Variants in SYPL2 observed in about 807,000 individuals in gnomAD.
SYPL2 encodes the protein synaptophysin-like protein 2.
Under a neutral mutation model 31.3 loss-of-function variants are expected in SYPL2, and 24 were observed. The ratio of observed to expected loss-of-function variants is 0.77; its 90% confidence interval spans 0.56 to 1.08. The LOEUF is 1.08. Ranked by LOEUF, SYPL2 falls within the 50% of genes least tolerant of loss-of-function variation. The pLI, the probability that SYPL2 is intolerant of heterozygous loss-of-function variation, is 0.00. For synonymous variants in SYPL2, 144 were observed against 143.1 expected, an observed-to-expected ratio of 1.01 and a Z score of -0.05; for missense variants, 342 against 360.1, an observed-to-expected ratio of 0.95 and a Z score of 0.41.
chr1:109,479,747 G>A lies in SYPL2; in HGVS notation c.*199G>A, dbSNP rs942852876. The A allele has an allele frequency of 1.6e-5, 12 of 745,736 alleles. No homozygotes were observed. The highest frequency in any genetic ancestry group is 3.9e-4 in the Middle Eastern group (1 of 2,552). The allele number at this position is 745,736 out of a possible 1,614,324, so 46.2% of individuals were successfully genotyped here. On this transcript the variant is annotated 3_prime_UTR_variant, in exon 6 of 6. Transcript: ENST00000369872. ...GCTTCCTATCCTCCTTCTTGCTGGA[G>A]CCATGAATGGCAGGAGCTCAGTGCT...
At chr1:109,473,928 A>G (rs1268540346) in intron 2 of SYPL2, among the ~76,000 whole-genome samples, 1 of 151,872 alleles carries the variant, frequency 6.6e-6, no homozygotes, top group Non-Finnish European at 1.5e-5. Flanking sequence ...ACAGACTCAG[A>G]GAGCAGAGTG....
intron 2 of SYPL2, among the ~76,000 whole-genome samples, chr1:109,472,605 C>CTTTTTTTTTTTTTTTTTTT (rs59224604): frequency 1.4e-5 from 1 of 71,076 alleles, no homozygotes; most frequent in African/African-American, 6.1e-5. Context: ...TTTTTCTTTA[C>CTTTTTTTTTTTTTTTTTTT]TTTTTTTTTT....
chr1:109,473,011 T>G (rs1357645259), intron 2 of SYPL2, among the ~76,000 whole-genome samples: 4 of 152,152 alleles, frequency 2.6e-5, no homozygotes, highest in Admixed American at 2.6e-4. Flanking sequence ...TCCCAGAATG[T>G]GACACCCTAA....
In SYPL2 at chr1:109,467,121, A is replaced by G. The variant is rs1571056355; in HGVS notation, c.117A>G (p.Lys39=). The G allele has an allele frequency of 6.5e-7, 1 of 1,543,336 alleles. No individual in the cohort carries two copies. Among genetic ancestry groups the G allele is most frequent in the Non-Finnish European group, 8.7e-7 (1 of 1,145,556 alleles). ...RRLEEPLGFI[K]VLQWLFAIFA... is the part of the protein sequence containing the mutation. ...TGGAGGAGCCGCTGGGCTTCATCAAAGTTCTCCAGTGGGTGAGTCGCTGCC... is the reference window on the plus strand; with the variant it reads ...TGGAGGAGCCGCTGGGCTTCATCAAGGTTCTCCAGTGGGTGAGTCGCTGCC... The change falls in exon 2 of 6, where the codon AAA becomes AAG. Residue 39 remains lysine (K), a synonymous_variant. Coordinates refer to ENST00000369872, the MANE Select transcript of SYPL2 (RefSeq NM_001040709.2).
Position 109,477,849 on chromosome 1 carries a change from T to C in SYPL2, c.488T>C (p.Phe163Ser). 1 of 1,612,918 alleles carries C rather than the reference T, an allele frequency of 6.2e-7. No homozygotes were observed. Among genetic ancestry groups the C allele is most frequent in the African/African-American group, 1.3e-5 (1 of 75,066 alleles). ...DFCVTVSFTF[F>S]WLVAAAAWGK... Reference sequence around the variant, plus strand: ...TGTGTGACTGTCTCCTTCACCTTCTTCTGGCTGGTAGCTGCAGCTGCCTGG... The same window carrying C: ...TGTGTGACTGTCTCCTTCACCTTCTCCTGGCTGGTAGCTGCAGCTGCCTGG... Residue 163 changes from phenylalanine to serine, a missense_variant, in exon 5 of 6, where the codon TTC becomes TCC. Transcript: ENST00000369872.
At position 109,466,680 on chromosome 1, in the gene SYPL2, C is replaced by T. The variant is rs1202291020; in HGVS notation, c.-164C>T. ...AGCAGCGCCCCCGCGTCCCAGCCAGCCAGCCAGCCAGACTGGACTCCGGCC... is the reference window on the plus strand; with the variant it reads ...AGCAGCGCCCCCGCGTCCCAGCCAGTCAGCCAGCCAGACTGGACTCCGGCC... On this transcript the variant is annotated 5_prime_UTR_variant, in exon 1 of 6. Coordinates refer to ENST00000369872, the MANE Select transcript of SYPL2 (RefSeq NM_001040709.2). 6 of 647,556 alleles carry T rather than the reference C, an allele frequency of 9.3e-6. No individual in the cohort carries two copies. Among genetic ancestry groups the T allele is most frequent in the Non-Finnish European group, 1.4e-5 (6 of 443,218 alleles). The allele number at this position is 647,556 out of a possible 1,614,324, so 40.1% of individuals were successfully genotyped here.
chr1:109,479,019 C>T (rs140802448), intron 5 of SYPL2, among the ~76,000 whole-genome samples: 26 of 152,358 alleles, frequency 1.7e-4, no homozygotes, highest in Non-Finnish European at 2.4e-4. Flanking sequence ...ACCTACCTGG[C>T]GGAAGGTGCT....
At position 109,476,824 on chromosome 1, in the gene SYPL2, C is replaced by T; in HGVS notation, c.303C>T (p.Ser101=). 1 of 1,614,204 alleles carries T rather than the reference C, an allele frequency of 6.2e-7. No homozygotes were observed. Among genetic ancestry groups the T allele is most frequent in the Non-Finnish European group, 8.5e-7 (1 of 1,180,034 alleles). Reference sequence around the variant, plus strand: ...TGCCCCTCTGCGATGAAGAGTCCAGCTCCAAGACCATGCACCTCATGGGGG... The same window carrying T: ...TGCCCCTCTGCGATGAAGAGTCCAGTTCCAAGACCATGCACCTCATGGGGG... ...YEMPLCDEES[S]SKTMHLMGDF... The change falls in exon 4 of 6, where the codon AGC becomes AGT. Residue 101 remains serine (S), a synonymous_variant. Coordinates refer to ENST00000369872, the MANE Select transcript of SYPL2 (RefSeq NM_001040709.2).
At chr1:109,467,600 T>G (rs962860789) in intron 2 of SYPL2, among the ~76,000 whole-genome samples, 1 of 151,898 alleles carries the variant, frequency 6.6e-6, no homozygotes, top group Non-Finnish European at 1.5e-5. Context: ...TGGATGATCC[T>G]GCAAGTACTG....
rs1656165893 is a variant in SYPL2, at chr1:109,481,705, C to G, written c.*2157C>G. 1 of 152,164 alleles carries G rather than the reference C, an allele frequency of 6.6e-6. No homozygotes were observed. The highest frequency in any genetic ancestry group is 6.5e-5 in the Admixed American group (1 of 15,286). 9.4% of individuals were successfully genotyped at this position (152,164 alleles called of 1,614,324 possible). A position where few individuals can be genotyped will look rare whatever the true frequency, so the allele number is the denominator to read the frequency against. On this transcript the variant is annotated 3_prime_UTR_variant, in exon 6 of 6. Transcript: ENST00000369872. The stretch of plus-strand genomic sequence containing the variant: ...CTCAAGAGGCTCTCTTGTTCTCCAT[C>G]AGGAGAGCCTTGATTTAGGCTACGG...
At chr1:109,473,827 G>A (rs1222312824) in intron 2 of SYPL2, among the ~76,000 whole-genome samples, 1 of 151,578 alleles carries the variant, frequency 6.6e-6, no homozygotes, top group Non-Finnish European at 1.5e-5. Context: ...CGCAGGAGGT[G>A]CAGCTTGCAG....
intron 2 of SYPL2, among the ~76,000 whole-genome samples, chr1:109,468,806 A>G (rs1329444225): frequency 6.6e-6 from 1 of 152,140 alleles, no homozygotes. Flanking sequence ...CCAAATACCC[A>G]CAACATTTCT....
At chr1:109,475,405 G>A (rs1655963798) in intron 2 of SYPL2, 176 bp from the exon 3 acceptor site, 2 of 845,188 alleles carry the variant, frequency 2.4e-6, no homozygotes, top group African/African-American at 1.7e-5. Flanking sequence ...AGCAGCCTGA[G>A]GCTGGAAGAT....
At chr1:109,475,538 G>T (rs187778225) in intron 2 of SYPL2, 43 bp from the exon 3 acceptor site, 1 of 1,601,842 alleles carries the variant, frequency 6.2e-7, no homozygotes, top group Non-Finnish European at 8.5e-7. Context: ...ACTTTGGCCA[G>T]TTGAGGCCTT....
intron 2 of SYPL2, among the ~76,000 whole-genome samples, chr1:109,472,029 G>T (rs977742442): frequency 1.3e-5 from 2 of 152,070 alleles, no homozygotes; most frequent in Non-Finnish European, 2.9e-5. Flanking sequence ...ATTTAATTCT[G>T]ATTAACTTAA....
chr1:109,475,818 G>T, intron 3 of SYPL2, 113 bp downstream of exon 3: 1 of 1,428,054 alleles, frequency 7.0e-7, no homozygotes, highest in South Asian at 1.4e-5. Flanking sequence ...TGCCACTCCA[G>T]ATTCAAATAG....
chr1:109,469,061 G>A (rs975948089), intron 2 of SYPL2, among the ~76,000 whole-genome samples: 3 of 152,186 alleles, frequency 2.0e-5, no homozygotes, highest in Admixed American at 6.5e-5. Flanking sequence ...GCCATCCCAG[G>A]TAGCCTGAAT....
In SYPL2 at chr1:109,479,866, G is replaced by T; in HGVS notation, c.*318G>T. 1 of 308,598 alleles carries T rather than the reference G, an allele frequency of 3.2e-6. No homozygotes were observed. The highest frequency in any genetic ancestry group is 2.1e-5 in the African/African-American group (1 of 47,158). The allele number at this position is 308,598 out of a possible 1,614,324, so 19.1% of individuals were successfully genotyped here. ...CCAGCCTCTGCTGCAGGTGAGGGTT[G>T]GGGGCAGGAAACCAGTGCTCTGAGA... On this transcript the variant is annotated 3_prime_UTR_variant, in exon 6 of 6. Transcript: ENST00000369872.
Position 109,479,318 on chromosome 1 carries a change from C to G in SYPL2, c.649-60C>G, listed in dbSNP as rs567101335. ...ACCCCAACTGCAATAGGAACTCCCCCTCCCTGTTCCCACAATGACCCCCTG... is the reference window on the plus strand; with the variant it reads ...ACCCCAACTGCAATAGGAACTCCCCGTCCCTGTTCCCACAATGACCCCCTG... On this transcript the variant is annotated intron_variant, in intron 5 of 5. Transcript: ENST00000369872. The G allele has an allele frequency of 1.3e-5, 21 of 1,580,572 alleles. No individual in the cohort carries two copies. In the Admixed American group the frequency reaches 1.4e-4, roughly 10 times the overall value.
Sources: allele counts gnomAD v4.1 joint callset (sites outside exome capture counted in the v4.1 genomes callset), GRCh38; gene constraint gnomAD v4.1.1; transcripts MANE v1.5; gene names NCBI Gene and HGNC (gene_info 2026-07-23, HGNC 2026-07-21).